Variants in PIP5K1B observed in about 807,000 individuals in gnomAD.
The protein encoded by PIP5K1B is phosphatidylinositol 4-phosphate 5-kinase type-1 beta.
A neutral mutation model predicts 67.0 loss-of-function variants in PIP5K1B; 42 were observed. That is an observed-to-expected ratio of 0.63 (90% confidence interval 0.49 to 0.81). The LOEUF (loss-of-function observed/expected upper bound fraction) is 0.81. Ranked by LOEUF, PIP5K1B falls within the 30% of genes least tolerant of loss-of-function variation. The pLI is 0.00. For missense variants in PIP5K1B, 459 were observed against 646.3 expected (o/e 0.71, Z 3.14); for synonymous variants, 214 against 231.4 (o/e 0.92, Z 0.68).
chr9:68,995,634 T>C (rs1447270388), intron 15 of PIP5K1B, among the ~76,000 whole-genome samples: 1 of 151,946 alleles, frequency 6.6e-6, no homozygotes, highest in East Asian at 1.9e-4. Context: ...GGAGAAACCC[T>C]ATCTCTACTA....
chr9:68,982,336 A>C (rs1379427210), intron 14 of PIP5K1B, among the ~76,000 whole-genome samples: 1 of 152,254 alleles, frequency 6.6e-6, no homozygotes, highest in Non-Finnish European at 1.5e-5. Context: ...GCTTGTGCCC[A>C]GGAAATCAAC....
chr9:68,894,308 G>A (rs1377626482), intron 7 of PIP5K1B, 31 bp from the exon 8 acceptor site: 1 of 1,382,984 alleles, frequency 7.2e-7, no homozygotes, highest in Non-Finnish European at 1.0e-6. Flanking sequence ...ATAGAAGATT[G>A]TAAATATATT....
chr9:68,825,102 C>T (rs991191876), intron 4 of PIP5K1B, among the ~76,000 whole-genome samples: 1 of 152,184 alleles, frequency 6.6e-6, no homozygotes, highest in Non-Finnish European at 1.5e-5. Flanking sequence ...AGAGAAGAAA[C>T]ATATCTTTTA....
At chr9:68,748,137 C>T (rs937215995) in intron 2 of PIP5K1B, among the ~76,000 whole-genome samples, 3 of 152,180 alleles carry the variant, frequency 2.0e-5, no homozygotes, top group African/African-American at 7.2e-5. Flanking sequence ...AGGAATCGTA[C>T]AATCTGTGTC....
chr9:68,832,762 T>C (rs1031779314), intron 4 of PIP5K1B, among the ~76,000 whole-genome samples: 3 of 152,234 alleles, frequency 2.0e-5, no homozygotes, highest in Admixed American at 2.0e-4. Context: ...CTTGCTGCAG[T>C]TCTTTCCAGC....
At chr9:68,991,084 G>A in intron 14 of PIP5K1B, 56 bp from the exon 15 acceptor site, 2 of 980,654 alleles carry the variant, frequency 2.0e-6, no homozygotes, top group Non-Finnish European at 1.7e-6. Flanking sequence ...CTTTGGAGGT[G>A]TCTTTAGATT....
Position 68,917,728 on chromosome 9 carries a change from G to A in PIP5K1B, c.952G>A (p.Gly318Arg). 1.9e-6 allele frequency: 3 copies of A among 1,614,088 alleles called. No individual in the cohort carries two copies. The highest frequency in any genetic ancestry group is 2.5e-6 in the Non-Finnish European group (3 of 1,179,946). Residue 318 changes from glycine to arginine, a missense_variant, in exon 9 of 16, where the codon GGA becomes AGA. Gly to Arg is a moderately radical substitution (Grantham distance 125, BLOSUM62 -2). Transcript: ENST00000265382. ...ATCTATCCAGGGTCCAGGGAAATCT[G>A]GAGATGGGATAATCACAGAGAACCC... ...MESIQGPGKS[G>R]DGIITENPDT...
intron 2 of PIP5K1B, among the ~76,000 whole-genome samples, chr9:68,804,310 C>T (rs894596526): frequency 5.3e-5 from 8 of 152,028 alleles, no homozygotes; most frequent in African/African-American, 1.2e-4. Flanking sequence ...TTGTGGGGAG[C>T]GGAGAACATA....
intron 8 of PIP5K1B, among the ~76,000 whole-genome samples, chr9:68,904,302 T>C (rs1825503722): frequency 6.6e-6 from 1 of 152,198 alleles, no homozygotes. Context: ...AAGTGCTCAA[T>C]GACTGGTCAC....
chr9:68,952,107 C>T (rs1828106829), intron 14 of PIP5K1B, among the ~76,000 whole-genome samples: 1 of 152,054 alleles, frequency 6.6e-6, no homozygotes, highest in Non-Finnish European at 1.5e-5. Flanking sequence ...TTTATTATGG[C>T]TTTGTGAATA....
chr9:68,930,477 C>T (rs937378266), intron 12 of PIP5K1B, among the ~76,000 whole-genome samples: 2 of 152,174 alleles, frequency 1.3e-5, no homozygotes, highest in African/African-American at 2.4e-5. Context: ...TTACCACCCA[C>T]GTGCAGTTAC....
chr9:68,901,596 G>A (rs1825355440), intron 8 of PIP5K1B, among the ~76,000 whole-genome samples: 1 of 152,174 alleles, frequency 6.6e-6, no homozygotes, highest in African/African-American at 2.4e-5. Context: ...TACAAACACT[G>A]TAAACCCATG....
chr9:68,780,016 A>T, intron 2 of PIP5K1B: 1 of 1,059,518 alleles, frequency 9.4e-7, no homozygotes, highest in Non-Finnish European at 1.3e-6. Context: ...GGACATCGCG[A>T]GCGCCTGCGC....
At chr9:68,901,633 A>C (rs1476534757) in intron 8 of PIP5K1B, among the ~76,000 whole-genome samples, 1 of 152,240 alleles carries the variant, frequency 6.6e-6, no homozygotes, top group Non-Finnish European at 1.5e-5. Flanking sequence ...CCATTGTCTT[A>C]AAATTATGAG....
chr9:68,951,592 C>G (rs1015845981), intron 14 of PIP5K1B, among the ~76,000 whole-genome samples: 3 of 152,288 alleles, frequency 2.0e-5, no homozygotes, highest in Middle Eastern at 3.4e-3. Context: ...TGTTCACCCT[C>G]CTGCCTTTCC....
chr9:68,991,226 A>T lies in PIP5K1B; in HGVS notation c.1589A>T (p.Asp530Val), dbSNP rs371218671. The T allele has an allele frequency of 6.2e-7, 1 of 1,607,330 alleles. No homozygotes were observed. The highest frequency in any genetic ancestry group is 8.5e-7 in the Non-Finnish European group (1 of 1,173,858). Residue 530 changes from aspartate to valine, a missense_variant, in exon 15 of 16, where the codon GAT becomes GTT. This residue lies in a region of PIP5K1B where 169 missense variants were observed against 171.9 expected (regional missense o/e 0.98). Transcript: ENST00000265382. ...TAEPNTLEVQ[D>V]DNASVLDVYL is the part of the protein sequence containing the mutation. ...GAGCCCAACACTCTGGAAGTGCAGGATGACAATGCTTCTGTGCTTGACGTC... is the reference window on the plus strand; with the variant it reads ...GAGCCCAACACTCTGGAAGTGCAGGTTGACAATGCTTCTGTGCTTGACGTC...
intron 8 of PIP5K1B, among the ~76,000 whole-genome samples, chr9:68,916,385 G>A (rs1228170105): frequency 1.3e-5 from 2 of 152,162 alleles, no homozygotes; most frequent in Non-Finnish European, 2.9e-5. Context: ...AACAGACTCG[G>A]ACCCAGACCT....
intron 1 of PIP5K1B, among the ~76,000 whole-genome samples, chr9:68,732,030 G>T (rs561529220): frequency 1.3e-5 from 2 of 152,316 alleles, no homozygotes; most frequent in Admixed American, 6.5e-5. Flanking sequence ...AGGGATTCCT[G>T]AGCCTCCACC....
intron 11 of PIP5K1B, among the ~76,000 whole-genome samples, chr9:68,921,846 A>G (rs770993424): frequency 5.4e-5 from 8 of 148,508 alleles, no homozygotes; most frequent in Non-Finnish European, 1.2e-4. Flanking sequence ...GCGAGACTCC[A>G]TGTCATAAAT....
Sources: allele counts gnomAD v4.1 joint callset (sites outside exome capture counted in the v4.1 genomes callset), GRCh38; gene constraint gnomAD v4.1.1; regional missense constraint gnomAD v4.1.1; transcripts MANE v1.5; gene names NCBI Gene and HGNC (gene_info 2026-07-23, HGNC 2026-07-21).